The following SKAP1 variants were observed in gnomAD, a reference collection of about 807,000 sequenced individuals.
The protein encoded by SKAP1 is src kinase-associated phosphoprotein 1.
In SKAP1, 44 loss-of-function variants were observed where a neutral mutation model predicts 58.5. The observed-to-expected ratio is 0.75, with a 90% CI of 0.59 to 0.97. SKAP1 has a LOEUF of 0.97. Among genes scored for constraint, SKAP1 ranks in the 50% least tolerant of loss-of-function variants. SKAP1 has a pLI of 0.00. For missense variants in SKAP1, 390 were observed against 435.2 expected, an observed-to-expected ratio of 0.90 and a Z score of 0.92; for synonymous variants, 127 against 149.7, an observed-to-expected ratio of 0.85 and a Z score of 1.11.
intron 4 of SKAP1, among the ~76,000 whole-genome samples, chr17:48,320,901 T>C (rs927940759): frequency 3.3e-5 from 5 of 152,240 alleles, no homozygotes; most frequent in African/African-American, 1.2e-4. Context: ...GCTGTGATTA[T>C]TGAATACATT....
At chr17:48,227,063 G>T (rs892521200) in intron 4 of SKAP1, among the ~76,000 whole-genome samples, 1 of 151,982 alleles carries the variant, frequency 6.6e-6, no homozygotes, top group African/African-American at 2.4e-5. Flanking sequence ...TTGAATTCTG[G>T]CACAGGTGAA....
At chr17:48,320,748 T>A (rs2066351705) in intron 4 of SKAP1, among the ~76,000 whole-genome samples, 1 of 149,414 alleles carries the variant, frequency 6.7e-6, no homozygotes, top group African/African-American at 2.5e-5. Flanking sequence ...ATCCCATCTC[T>A]ACCTCCACCA....
intron 4 of SKAP1, chr17:48,203,718 A>C (rs1013190545): frequency 6.6e-6 from 1 of 152,170 alleles, no homozygotes; most frequent in African/African-American, 2.4e-5. Context: ...GGCTGCACAT[A>C]TTGGATGGCT....
At chr17:48,277,174 A>G (rs1222124960) in intron 4 of SKAP1, among the ~76,000 whole-genome samples, 1 of 152,240 alleles carries the variant, frequency 6.6e-6, no homozygotes, top group Non-Finnish European at 1.5e-5. Flanking sequence ...GAATGCTTTC[A>G]ATTTTCCAAA....
intron 3 of SKAP1, among the ~76,000 whole-genome samples, chr17:48,353,424 G>T (rs1289689693): frequency 1.3e-5 from 2 of 152,104 alleles, no homozygotes. Context: ...GGTTCATCTT[G>T]CTTTCTTGTC....
At position 48,171,734 on chromosome 17, in the gene SKAP1, AGT is replaced by A. The variant is rs3221423; in HGVS notation, c.827-1077_827-1076del. 6.5e-3 allele frequency among the ~76,000 whole-genome samples: 970 copies of A among 149,074 alleles called. 6 individuals carry two copies. The highest frequency in any genetic ancestry group is 0.021 in the African/African-American group (863 of 40,386). The stretch of plus-strand genomic sequence containing the variant: ...AAGCATTCTAGAGTTAGGATGTTAG[AGT>A]GTGTGTGTGTGTGTGTGTGTGTGTG... On this transcript the variant is annotated intron_variant, in intron 9 of 12. Transcript: ENST00000336915.
intron 1 of SKAP1, among the ~76,000 whole-genome samples, chr17:48,400,053 G>A (rs1418531566): frequency 6.6e-6 from 1 of 151,522 alleles, no homozygotes; most frequent in African/African-American, 2.4e-5. Flanking sequence ...CAACTTTGCA[G>A]GATATAAGAT....
At chr17:48,247,934 C>A (rs1281696279) in intron 4 of SKAP1, among the ~76,000 whole-genome samples, 3 of 152,148 alleles carry the variant, frequency 2.0e-5, no homozygotes, top group African/African-American at 7.2e-5. Flanking sequence ...TGGTTTAATT[C>A]TTTATTGTCG....
At chr17:48,256,820 T>G (rs1484489046) in intron 4 of SKAP1, among the ~76,000 whole-genome samples, 2 of 152,088 alleles carry the variant, frequency 1.3e-5, no homozygotes, top group Non-Finnish European at 2.9e-5. Flanking sequence ...AGAAATGGTA[T>G]GTGGATGATG....
chr17:48,306,725 A>T (rs1219592036), intron 4 of SKAP1, among the ~76,000 whole-genome samples: 1 of 152,234 alleles, frequency 6.6e-6, no homozygotes, highest in Non-Finnish European at 1.5e-5. Flanking sequence ...TTTAGAATGA[A>T]TCAATAACAC....
intron 1 of SKAP1, 36 bp from the exon 2 acceptor site, chr17:48,396,821 T>C (rs984649550): frequency 3.4e-6 from 5 of 1,483,358 alleles, no homozygotes; most frequent in Non-Finnish European, 3.8e-6. Flanking sequence ...ACAGAAAAGA[T>C]GTACTAAGGG....
chr17:48,203,046 C>G (rs983258170), intron 4 of SKAP1, among the ~76,000 whole-genome samples: 2 of 152,186 alleles, frequency 1.3e-5, no homozygotes, highest in Non-Finnish European at 2.9e-5. Flanking sequence ...AGGCACTGGA[C>G]CTGCTCTGCT....
intron 1 of SKAP1, among the ~76,000 whole-genome samples, chr17:48,409,015 T>C (rs1392985939): frequency 6.6e-6 from 1 of 152,182 alleles, no homozygotes; most frequent in South Asian, 2.1e-4. Flanking sequence ...ACCAACCTTT[T>C]TAAAATAAAA....
intron 4 of SKAP1, among the ~76,000 whole-genome samples, chr17:48,277,537 C>A (rs1319625975): frequency 6.6e-6 from 1 of 152,098 alleles, no homozygotes; most frequent in African/African-American, 2.4e-5. Context: ...ACAGCCTTTT[C>A]AATTCCCACT....
At chr17:48,240,177 A>G (rs1034009844) in intron 4 of SKAP1, among the ~76,000 whole-genome samples, 2 of 152,010 alleles carry the variant, frequency 1.3e-5, no homozygotes, top group Non-Finnish European at 2.9e-5. Context: ...TATGAGGGAG[A>G]AGGGAAAAAA....
intron 1 of SKAP1, among the ~76,000 whole-genome samples, chr17:48,398,916 G>A (rs2067457240): frequency 6.6e-6 from 1 of 152,170 alleles, no homozygotes; most frequent in African/African-American, 2.4e-5. Flanking sequence ...AGCTACTTGG[G>A]AGGCTGAGGC....
chr17:48,210,592 A>C (rs1641478681), intron 4 of SKAP1, among the ~76,000 whole-genome samples: 1 of 152,174 alleles, frequency 6.6e-6, no homozygotes, highest in African/African-American at 2.4e-5. Flanking sequence ...ACCAAAGGTG[A>C]CCTGGAAAAG....
At chr17:48,341,992 T>A (rs896795036) in intron 4 of SKAP1, among the ~76,000 whole-genome samples, 5 of 152,180 alleles carry the variant, frequency 3.3e-5, no homozygotes, top group Non-Finnish European at 7.3e-5. Context: ...CTTTCCCCAA[T>A]CCACTTTAAA....
rs763312612 is a variant in SKAP1, at chr17:48,322,209, C to T, written c.280+23696G>A. 2.0e-5 allele frequency among the ~76,000 whole-genome samples: 3 copies of T among 152,252 alleles called. No individual in the cohort carries two copies. In the East Asian group the frequency reaches 5.8e-4, roughly 29 times the overall value. On this transcript the variant is annotated intron_variant, in intron 4 of 12. Transcript: ENST00000336915. ...ACATTATAAAATTAGCATATTCTACCTTCATTACTTTTGCACATAAATCTA... is the reference window on the plus strand; with the variant it reads ...ACATTATAAAATTAGCATATTCTACTTTCATTACTTTTGCACATAAATCTA...
Sources: gnomAD v4.1 joint callset for allele counts (sites outside exome capture counted in the v4.1 genomes callset) on GRCh38, gnomAD v4.1.1 for gene constraint, MANE v1.5 for transcripts, NCBI Gene and HGNC (gene_info 2026-07-23, HGNC 2026-07-21) for gene names.